The following ARHGAP6 variants were observed in gnomAD, a reference collection of about 807,000 sequenced individuals.
ARHGAP6 encodes rho GTPase-activating protein 6.
ARHGAP6 carries 16 observed loss-of-function variants against 55.7 expected under a neutral mutation model. The ratio of observed to expected loss-of-function variants is 0.29; its 90% confidence interval spans 0.19 to 0.44. The LOEUF is 0.44. Ranked by LOEUF, ARHGAP6 falls within the 20% of genes least tolerant of loss-of-function variation. ARHGAP6 has a pLI of 1.00. For missense variants in ARHGAP6, 698 were observed against 808.9 expected, an observed-to-expected ratio of 0.86 and a Z score of 1.66; for synonymous variants, 382 against 360.9, an observed-to-expected ratio of 1.06 and a Z score of -0.66.
chrX:11,408,268 T>C (rs1324729303), intron 1 of ARHGAP6, among the ~76,000 whole-genome samples: 1 of 110,657 alleles, frequency 9.0e-6, no homozygotes, highest in Non-Finnish European at 1.9e-5. Flanking sequence ...TGGAAGAGTT[T>C]ATAACAAAAA....
At chrX:11,499,993 A>C (rs769350845) in intron 1 of ARHGAP6, among the ~76,000 whole-genome samples, 22 of 112,011 alleles carry the variant, frequency 2.0e-4, no homozygotes, top group Middle Eastern at 4.6e-3. Flanking sequence ...GGGTTTTTTT[A>C]TTTGCATAAT....
chrX:11,360,950 C>T (rs1196923619), intron 1 of ARHGAP6, among the ~76,000 whole-genome samples: 4 of 110,740 alleles, frequency 3.6e-5, no homozygotes, highest in East Asian at 2.8e-4. Context: ...TTACAAGGGA[C>T]GTGGAGGACC....
At chrX:11,391,918 G>T (rs1239928601) in intron 1 of ARHGAP6, among the ~76,000 whole-genome samples, 1 of 112,106 alleles carries the variant, frequency 8.9e-6, no homozygotes, top group Non-Finnish European at 1.9e-5. Context: ...GAATAGTGAG[G>T]TGTCAAAAGC....
At chrX:11,519,482 G>GTTTGT (rs1569378465) in intron 1 of ARHGAP6, among the ~76,000 whole-genome samples, 1 of 110,140 alleles carries the variant, frequency 9.1e-6, no homozygotes, top group East Asian at 2.9e-4. Context: ...TGATGGGGTT[G>GTTTGT]TTTTTTTCTT....
At chrX:11,573,584 T>G (rs2051557074) in intron 1 of ARHGAP6, among the ~76,000 whole-genome samples, 1 of 110,771 alleles carries the variant, frequency 9.0e-6, no homozygotes, top group African/African-American at 3.3e-5. Context: ...TTTTGGTTAC[T>G]GTAGACTTGT....
chrX:11,547,023 C>T (rs959405136), intron 1 of ARHGAP6, among the ~76,000 whole-genome samples: 2 of 112,499 alleles, frequency 1.8e-5, no homozygotes, highest in Non-Finnish European at 3.8e-5. Context: ...ATCAGCCTCA[C>T]GTTCTTTGGA....
At chrX:11,572,103 C>T (rs1394976190) in intron 1 of ARHGAP6, among the ~76,000 whole-genome samples, 2 of 111,538 alleles carry the variant, frequency 1.8e-5, no homozygotes, top group Non-Finnish European at 1.9e-5. Context: ...GTCCATTAAA[C>T]TGATTGACCT....
chrX:11,273,958 TTA>T (rs2047723448), intron 1 of ARHGAP6, among the ~76,000 whole-genome samples: 1 of 111,667 alleles, frequency 9.0e-6, no homozygotes, highest in South Asian at 3.7e-4. Context: ...TATGCCCATT[TTA>T]TAGATGAAGA....
intron 1 of ARHGAP6, among the ~76,000 whole-genome samples, chrX:11,537,759 G>T (rs759130472): frequency 9.0e-6 from 1 of 111,648 alleles, no homozygotes; most frequent in Admixed American, 9.5e-5. Context: ...TATTGAATTA[G>T]GAATTAAAAC....
At chrX:11,374,024 A>G (rs2049173546) in intron 1 of ARHGAP6, among the ~76,000 whole-genome samples, 1 of 111,753 alleles carries the variant, frequency 8.9e-6, no homozygotes, top group African/African-American at 3.3e-5. Flanking sequence ...AATCAAGACC[A>G]ATATCCCATG....
At chrX:11,278,661 A>T (rs2047810589) in intron 1 of ARHGAP6, among the ~76,000 whole-genome samples, 2 of 111,818 alleles carry the variant, frequency 1.8e-5, no homozygotes, top group Non-Finnish European at 3.8e-5. Flanking sequence ...GGACACATAC[A>T]TTATTTAATG....
At chrX:11,391,086 T>C (rs1350894588) in intron 1 of ARHGAP6, among the ~76,000 whole-genome samples, 1 of 112,093 alleles carries the variant, frequency 8.9e-6, no homozygotes, top group Non-Finnish European at 1.9e-5. Flanking sequence ...AATGATAGAC[T>C]GGATTAAGAA....
intron 1 of ARHGAP6, chrX:11,290,484 C>G (rs1205090904): frequency 3.3e-6 from 1 of 305,239 alleles, no homozygotes; most frequent in Non-Finnish European, 6.2e-6. Flanking sequence ...TCCAACTCTA[C>G]CCCAGCAAAA....
intron 1 of ARHGAP6, among the ~76,000 whole-genome samples, chrX:11,404,357 G>C (rs2049585730): frequency 9.0e-6 from 1 of 111,703 alleles, no homozygotes; most frequent in African/African-American, 3.3e-5. Flanking sequence ...AGATTCCAAA[G>C]GCAAGCACGA....
chrX:11,210,957 GTA>G (rs1232801044), intron 2 of ARHGAP6, among the ~76,000 whole-genome samples: 1 of 111,785 alleles, frequency 8.9e-6, no homozygotes, highest in Non-Finnish European at 1.9e-5. Flanking sequence ...TTGATTAAAG[GTA>G]TTTTAAAGTA....
chrX:11,139,612 C>T, intron 12 of ARHGAP6, 82 bp from the exon 13 acceptor site: 1 of 1,008,167 alleles, frequency 9.9e-7, no homozygotes, highest in South Asian at 2.7e-5. Context: ...TATTTCCTTC[C>T]CACTTCTACG....
chrX:11,626,436 TTATAC>T (rs1220845167), intron 1 of ARHGAP6, among the ~76,000 whole-genome samples: 16 of 111,823 alleles, frequency 1.4e-4, no homozygotes, highest in Admixed American at 6.6e-4. Flanking sequence ...AAAATGTTCT[TTATAC>T]TAATTTGATA....
At chrX:11,345,876 T>C (rs2048775159) in intron 1 of ARHGAP6, among the ~76,000 whole-genome samples, 54 of 112,023 alleles carry the variant, frequency 4.8e-4, no homozygotes, top group Admixed American at 4.6e-3. Context: ...CAAAAGTGTG[T>C]AACCCCTGCC....
chrX:11,501,239 C>G (rs2050675138), intron 1 of ARHGAP6, among the ~76,000 whole-genome samples: 1 of 111,677 alleles, frequency 9.0e-6, no homozygotes. Context: ...TTGCTTCACA[C>G]CAGGAAATTG....
Sources: allele counts gnomAD v4.1 joint callset (sites outside exome capture counted in the v4.1 genomes callset), GRCh38; gene constraint gnomAD v4.1.1; transcripts MANE v1.5; gene names NCBI Gene and HGNC (gene_info 2026-07-23, HGNC 2026-07-21).